The following CHD1 variants were observed in gnomAD, a reference collection of about 807,000 sequenced individuals.
CHD1 encodes chromodomain helicase DNA binding protein 1, also known as ATP-dependent chromatin remodeler CHD1.
Under a neutral mutation model 224.2 loss-of-function variants are expected in CHD1, and 36 were observed. The ratio of observed to expected loss-of-function variants is 0.16; its 90% confidence interval spans 0.12 to 0.21. The LOEUF is 0.21. Among genes scored for constraint, CHD1 ranks in the 10% least tolerant of loss-of-function variants. The pLI is 1.00. For missense variants in CHD1, 1,378 were observed against 1,994.8 expected, an observed-to-expected ratio of 0.69 and a Z score of 5.89; for synonymous variants, 668 against 658.3, an observed-to-expected ratio of 1.01 and a Z score of -0.23.
Position 98,894,589 on chromosome 5 carries a change from A to G in CHD1, c.1800+8T>C. 1 of 1,139,420 alleles carries G rather than the reference A, an allele frequency of 8.8e-7. No homozygotes were observed. The highest frequency in any genetic ancestry group is 1.5e-5 in the South Asian group (1 of 68,818). The allele number at this position is 1,139,420 out of a possible 1,614,324, so 70.6% of individuals were successfully genotyped here. On this transcript the variant is annotated splice_region_variant and intron_variant, in intron 13 of 35. Transcript: ENST00000614616. ...AGAGACCAAAACACGTGAGAAATAA[A>G]TACATACCTTATCTTTTAATAAAAT...
intron 2 of CHD1, among the ~76,000 whole-genome samples, chr5:98,923,473 T>A (rs1434847236): frequency 6.6e-6 from 1 of 151,532 alleles, no homozygotes; most frequent in Admixed American, 6.6e-5. Flanking sequence ...TGGAGTGCAA[T>A]CGCGCAATCT....
intron 1 of CHD1, among the ~76,000 whole-genome samples, chr5:98,927,728 A>G (rs577137342): frequency 6.6e-6 from 1 of 152,288 alleles, no homozygotes; most frequent in East Asian, 1.9e-4. Context: ...CTTCCTTTAA[A>G]AAGTTCACTC....
In CHD1 at chr5:98,896,487, A is replaced by G. The variant is rs919582718; in HGVS notation, c.1494-45T>C. On this transcript the variant is annotated intron_variant, in intron 11 of 35. Transcript: ENST00000614616. ...TTAGCATGCAAGGAAATATTCAAATATACAAAGAAACCTTTTTACATCATG... is the reference window on the plus strand; with the variant it reads ...TTAGCATGCAAGGAAATATTCAAATGTACAAAGAAACCTTTTTACATCATG... The G allele has an allele frequency of 2.9e-6, 4 of 1,364,562 alleles. No homozygotes were observed. The South Asian group carries it at 3.6e-5, about 12-fold the overall frequency. 84.5% of individuals were successfully genotyped at this position (1,364,562 alleles called of 1,614,324 possible).
chr5:98,870,870 A>T, intron 28 of CHD1, 67 bp from the exon 29 acceptor site: 1 of 895,140 alleles, frequency 1.1e-6, no homozygotes, highest in Non-Finnish European at 1.8e-6. Context: ...TGGCTAAAAA[A>T]TGCTTAACCA....
intron 23 of CHD1, among the ~76,000 whole-genome samples, chr5:98,878,734 C>A (rs7732494): frequency 7.9e-5 from 12 of 152,126 alleles, no homozygotes; most frequent in Admixed American, 2.6e-4. Flanking sequence ...AATATCTGAA[C>A]ATTTTAAAAC....
chr5:98,867,801 T>TG (rs1749005431), intron 31 of CHD1, among the ~76,000 whole-genome samples: 3 of 146,122 alleles, frequency 2.1e-5, no homozygotes, highest in East Asian at 2.0e-4. Flanking sequence ...CCTTGTTTTT[T>TG]TTTTTTTTTT....
At chr5:98,860,685 T>C (rs913525050) in intron 32 of CHD1, 1 of 153,382 alleles carries the variant, frequency 6.5e-6, no homozygotes, top group Non-Finnish European at 1.5e-5. Flanking sequence ...CTTAAATATA[T>C]AAGGAACTGT....
At chr5:98,857,952 A>G (rs542100755) in intron 35 of CHD1, among the ~76,000 whole-genome samples, 2 of 152,092 alleles carry the variant, frequency 1.3e-5, no homozygotes, top group East Asian at 3.9e-4. Flanking sequence ...TCCCTACATC[A>G]CCTTACTACA....
chr5:98,899,740 T>A, intron 7 of CHD1, 35 bp from the exon 8 acceptor site: 1 of 1,444,902 alleles, frequency 6.9e-7, no homozygotes, highest in Non-Finnish European at 9.6e-7. Flanking sequence ...TCCATGTAAT[T>A]AATTCTGTTG....
In CHD1 at chr5:98,888,257, A is replaced by G. The variant is rs1190583035; in HGVS notation, c.2344-17T>C. ...AATTAAGTGCTACAGAAACAATTCA[A>G]GTTGTTATATGTTAAAAGACATAAA... On this transcript the variant is annotated splice_polypyrimidine_tract_variant and intron_variant, in intron 16 of 35. Transcript: ENST00000614616. The G allele has an allele frequency of 6.3e-7, 1 of 1,589,360 alleles. No individual in the cohort carries two copies. Among genetic ancestry groups the G allele is most frequent in the Non-Finnish European group, 8.6e-7 (1 of 1,164,868 alleles).
intron 23 of CHD1, among the ~76,000 whole-genome samples, chr5:98,877,420 A>C (rs1422343532): frequency 6.6e-6 from 1 of 152,218 alleles, no homozygotes; most frequent in Non-Finnish European, 1.5e-5. Flanking sequence ...GGATGAACAG[A>C]TTGATTAGCT....
At chr5:98,875,527 C>T (rs1325891301) in intron 24 of CHD1, among the ~76,000 whole-genome samples, 2 of 151,936 alleles carry the variant, frequency 1.3e-5, no homozygotes, top group East Asian at 3.9e-4. Context: ...TGTATTACAC[C>T]AACAATGCAA....
chr5:98,858,253 T>C lies in CHD1; in HGVS notation c.4714A>G (p.Arg1572Gly). ...CTAAAAGAAGAATAGGGTCTTTTCC[T>C]GGAATCACTTTTTTTGTAAGAATCT... ...QGDSYKKSDSRKRPYSSFSNG... is the reference protein window; with the variant it reads ...QGDSYKKSDSGKRPYSSFSNG... The change falls in exon 35 of 36, where the codon AGG becomes GGG. Residue 1572 changes from arginine (R) to glycine (G), a missense_variant. Physicochemically the swap from Arg to Gly is moderately radical, Grantham distance 125. Transcript: ENST00000614616. 1 of 1,613,376 alleles carries C rather than the reference T, an allele frequency of 6.2e-7. No homozygotes were observed. Among genetic ancestry groups the C allele is most frequent in the Non-Finnish European group, 8.5e-7 (1 of 1,179,418 alleles).
chr5:98,899,930 CAG>C (rs1751585729), intron 7 of CHD1, among the ~76,000 whole-genome samples: 1 of 151,950 alleles, frequency 6.6e-6, no homozygotes, highest in Non-Finnish European at 1.5e-5. Context: ...AATAAAAAGA[CAG>C]AGATCCACCT....
intron 32 of CHD1, among the ~76,000 whole-genome samples, chr5:98,862,544 T>A (rs1748559515): frequency 6.6e-6 from 1 of 152,268 alleles, no homozygotes; most frequent in Non-Finnish European, 1.5e-5. Flanking sequence ...TAACTTTTTT[T>A]ATTTTACTTA....
intron 2 of CHD1, among the ~76,000 whole-genome samples, chr5:98,922,759 C>T (rs1255337609): frequency 6.6e-6 from 1 of 152,116 alleles, no homozygotes; most frequent in Non-Finnish European, 1.5e-5. Context: ...GAGGCCAAGG[C>T]GGGCAGATCA....
intron 2 of CHD1, among the ~76,000 whole-genome samples, chr5:98,910,241 T>C (rs1173503039): frequency 6.6e-6 from 1 of 152,138 alleles, no homozygotes; most frequent in Non-Finnish European, 1.5e-5. Context: ...TGGTTGCAAA[T>C]GGCACTATTT....
intron 23 of CHD1, among the ~76,000 whole-genome samples, chr5:98,879,206 C>A (rs1749986333): frequency 6.6e-6 from 1 of 151,954 alleles, no homozygotes; most frequent in Admixed American, 6.6e-5. Flanking sequence ...TGCACTCCAG[C>A]CTTGGCAATA....
intron 30 of CHD1, 101 bp downstream of exon 30, chr5:98,869,653 G>T: frequency 9.5e-7 from 1 of 1,052,576 alleles, no homozygotes; most frequent in Non-Finnish European, 1.4e-6. Context: ...CACACACACA[G>T]ACTTCGGTAC....
Sources: allele counts gnomAD v4.1 joint callset (sites outside exome capture counted in the v4.1 genomes callset), GRCh38; gene constraint gnomAD v4.1.1; transcripts MANE v1.5; gene names NCBI Gene and HGNC (gene_info 2026-07-23, HGNC 2026-07-21).